Variants in ZNRF1 observed in about 807,000 individuals in gnomAD.
The protein encoded by ZNRF1 is E3 ubiquitin-protein ligase ZNRF1.
In ZNRF1, 3 loss-of-function variants were observed where a neutral mutation model predicts 18.4. The observed-to-expected ratio is 0.16, with a 90% CI of 0.07 to 0.42. ZNRF1 has a LOEUF of 0.42. ZNRF1 is among the 10% of genes least tolerant of loss of function. The probability of loss-of-function intolerance (pLI) is 0.99; values close to 1 mark genes in which losing one functional copy is unlikely to be tolerated. For synonymous variants in ZNRF1, 157 were observed against 144.2 expected (o/e 1.09, Z -0.64); for missense variants, 310 against 329.8 (o/e 0.94, Z 0.47).
At chr16:75,075,830 G>A (rs1157694176) in intron 1 of ZNRF1, among the ~76,000 whole-genome samples, 2 of 152,196 alleles carry the variant, frequency 1.3e-5, no homozygotes, top group Admixed American at 6.5e-5. Context: ...ATTGGCAACC[G>A]TGGAAAGGAT....
intron 2 of ZNRF1, 189 bp from the exon 3 acceptor site, chr16:75,104,595 A>T (rs2036291563): frequency 2.0e-6 from 1 of 495,890 alleles, no homozygotes. Flanking sequence ...TTAACATGTG[A>T]TGTCCACGCA....
At chr16:75,042,412 A>G (rs1181221887) in intron 1 of ZNRF1, among the ~76,000 whole-genome samples, 2 of 145,286 alleles carry the variant, frequency 1.4e-5, no homozygotes, top group Non-Finnish European at 3.0e-5. Context: ...ATTTTTGGAT[A>G]TGGTATGAGG....
intron 1 of ZNRF1, among the ~76,000 whole-genome samples, chr16:75,074,247 C>T (rs1027312245): frequency 6.6e-6 from 1 of 152,114 alleles, no homozygotes. Flanking sequence ...AGAGTCAGGC[C>T]GGCATAAGTG....
chr16:75,044,701 C>T (rs2035492077), intron 1 of ZNRF1, among the ~76,000 whole-genome samples: 1 of 152,212 alleles, frequency 6.6e-6, no homozygotes, highest in South Asian at 2.1e-4. Flanking sequence ...GTTGACTTCT[C>T]TGCCACTAAT....
intron 1 of ZNRF1, among the ~76,000 whole-genome samples, chr16:75,033,975 C>G (rs907360322): frequency 7.2e-6 from 1 of 139,210 alleles, no homozygotes; most frequent in Non-Finnish European, 1.5e-5. Flanking sequence ...GGTGAAACCC[C>G]GACTCTACTA....
At chr16:75,003,665 C>T (rs559198994) in intron 1 of ZNRF1, among the ~76,000 whole-genome samples, 12 of 152,288 alleles carry the variant, frequency 7.9e-5, no homozygotes, top group East Asian at 3.9e-4. Context: ...ATCACAAAGC[C>T]GCATGGTGTC....
chr16:75,034,233 A>G (rs1251710587), intron 1 of ZNRF1, among the ~76,000 whole-genome samples: 1 of 152,214 alleles, frequency 6.6e-6, no homozygotes, highest in Non-Finnish European at 1.5e-5. Context: ...TTACATTGTT[A>G]TGCTACCAAT....
chr16:75,000,238 T>A, intron 1 of ZNRF1, 143 bp downstream of exon 1: 1 of 1,158,260 alleles, frequency 8.6e-7, no homozygotes, highest in Non-Finnish European at 1.2e-6. Context: ...AAGGGATAAA[T>A]GGGATACCTA....
chr16:75,020,659 A>T (rs1271341801), intron 1 of ZNRF1, among the ~76,000 whole-genome samples: 3 of 151,662 alleles, frequency 2.0e-5, no homozygotes, highest in Non-Finnish European at 1.5e-5. Flanking sequence ...CTCTTGCTTC[A>T]GCCTCCCAAG....
At chr16:75,009,095 A>G (rs2034961664) in intron 1 of ZNRF1, among the ~76,000 whole-genome samples, 1 of 152,206 alleles carries the variant, frequency 6.6e-6, no homozygotes, top group Middle Eastern at 3.4e-3. Flanking sequence ...ATTGAACACT[A>G]TTTTCTAGAA....
In ZNRF1 at chr16:75,058,025, G is replaced by A. The variant is rs145005743; in HGVS notation, c.425-35547G>A. 2.5e-3 allele frequency among the ~76,000 whole-genome samples: 378 copies of A among 152,162 alleles called. 1 individual carries two copies. Among genetic ancestry groups the A allele is most frequent in the African/African-American group, 8.8e-3 (365 of 41,528 alleles). On this transcript the variant is annotated intron_variant, in intron 1 of 4. Coordinates refer to ENST00000335325, the MANE Select transcript of ZNRF1 (RefSeq NM_032268.5). Reference sequence around the variant, plus strand: ...TTGTAAACCTTCTCAACAAATATGAGGCCTGAGAGAGAACCGCATTCCATC... The same window carrying A: ...TTGTAAACCTTCTCAACAAATATGAAGCCTGAGAGAGAACCGCATTCCATC...
chr16:75,047,506 C>T (rs992486881), intron 1 of ZNRF1, among the ~76,000 whole-genome samples: 5 of 152,214 alleles, frequency 3.3e-5, no homozygotes, highest in African/African-American at 4.8e-5. Context: ...CTTGATTCCA[C>T]GTTTCCGTGG....
At chr16:75,073,149 TC>T (rs2035893407) in intron 1 of ZNRF1, among the ~76,000 whole-genome samples, 1 of 151,190 alleles carries the variant, frequency 6.6e-6, no homozygotes, top group Non-Finnish European at 1.5e-5. Flanking sequence ...TCTCTCTCTC[TC>T]TCTGTCTCTC....
chr16:75,045,896 GCTTT>G (rs1370467243), intron 1 of ZNRF1, among the ~76,000 whole-genome samples: 1 of 151,084 alleles, frequency 6.6e-6, no homozygotes, highest in African/African-American at 2.4e-5. Flanking sequence ...TTTAATGTTT[GCTTT>G]TTTTTTTATT....
rs1056044078 is a variant in ZNRF1 at position 74,999,236 on chromosome 16, A to T, written c.-436A>T. On this transcript the variant is annotated 5_prime_UTR_variant, in exon 1 of 5. Transcript: ENST00000335325. Reference sequence around the variant, plus strand: ...TGGTCGCGGCGTCCTGAGGCGGGGGACGCGCCCGGCGCCCCCGGCCCTCCT... The same window carrying T: ...TGGTCGCGGCGTCCTGAGGCGGGGGTCGCGCCCGGCGCCCCCGGCCCTCCT... 1 of 145,798 alleles carries T rather than the reference A, an allele frequency of 6.9e-6. No individual in the cohort carries two copies. The highest frequency in any genetic ancestry group is 1.5e-5 in the Non-Finnish European group (1 of 65,770). 9.0% of individuals were successfully genotyped at this position (145,798 alleles called of 1,614,324 possible).
chr16:75,029,701 G>A (rs1053927883), intron 1 of ZNRF1, among the ~76,000 whole-genome samples: 155 of 151,938 alleles, frequency 1.0e-3, no homozygotes, highest in South Asian at 1.2e-3. Flanking sequence ...CCTAGGAGGC[G>A]GAGGTTGCAG....
rs976199729 is a variant in ZNRF1, at chr16:74,999,111, G to A, written c.-561G>A. 1 of 148,146 alleles carries A rather than the reference G, an allele frequency of 6.8e-6. No individual in the cohort carries two copies. Among genetic ancestry groups the A allele is most frequent in the Non-Finnish European group, 1.5e-5 (1 of 66,522 alleles). The allele number at this position is 148,146 out of a possible 1,614,324, so 9.2% of individuals were successfully genotyped here. On this transcript the variant is annotated 5_prime_UTR_variant, in exon 1 of 5. Coordinates refer to ENST00000335325, the MANE Select transcript of ZNRF1 (RefSeq NM_032268.5). Reference sequence around the variant, plus strand: ...GCTGGCGGGGCCGGCGGCGGCTGAAGCGAGAGCGCGACGCGACGCGACCGC... The same window carrying A: ...GCTGGCGGGGCCGGCGGCGGCTGAAACGAGAGCGCGACGCGACGCGACCGC...
intron 1 of ZNRF1, among the ~76,000 whole-genome samples, chr16:75,044,660 C>G (rs2035491646): frequency 6.6e-6 from 1 of 152,156 alleles, no homozygotes; most frequent in African/African-American, 2.4e-5. Flanking sequence ...ATACCCAGCC[C>G]AAGCTCTTGA....
chr16:75,017,907 G>A (rs2035092267), intron 1 of ZNRF1, among the ~76,000 whole-genome samples: 2 of 152,200 alleles, frequency 1.3e-5, no homozygotes, highest in African/African-American at 4.8e-5. Flanking sequence ...GTATAGGGTA[G>A]TAGTTAAGGT....
Sources: gnomAD v4.1 joint callset for allele counts (sites outside exome capture counted in the v4.1 genomes callset) on GRCh38, gnomAD v4.1.1 for gene constraint, MANE v1.5 for transcripts, NCBI Gene and HGNC (gene_info 2026-07-23, HGNC 2026-07-21) for gene names.